Variants in ADAM12 observed in about 807,000 individuals in gnomAD.
ADAM12 encodes disintegrin and metalloproteinase domain-containing protein 12.
Under a neutral mutation model 106.4 loss-of-function variants are expected in ADAM12, and 70 were observed. The observed-to-expected ratio is 0.66, with a 90% CI of 0.54 to 0.80. The LOEUF (loss-of-function observed/expected upper bound fraction) is 0.80. Ranked by LOEUF, ADAM12 falls within the 30% of genes least tolerant of loss-of-function variation. The pLI is 0.00. For missense variants in ADAM12, 1,010 were observed against 1,171.9 expected (o/e 0.86, Z 2.02); for synonymous variants, 420 against 433.5 (o/e 0.97, Z 0.39).
intron 1 of ADAM12, among the ~76,000 whole-genome samples, chr10:126,350,900 C>T (rs1163401884): frequency 5.9e-5 from 9 of 152,194 alleles, no homozygotes; most frequent in South Asian, 4.1e-4. Context: ...TATCCTGTGA[C>T]CTGAACTGCT....
At chr10:126,339,341 C>A (rs1854836282) in intron 1 of ADAM12, among the ~76,000 whole-genome samples, 1 of 152,150 alleles carries the variant, frequency 6.6e-6, no homozygotes, top group African/African-American at 2.4e-5. Context: ...CTTCATCTCC[C>A]AGCGAAAAAC....
chr10:126,222,866 CT>C (rs1196243538), intron 3 of ADAM12, among the ~76,000 whole-genome samples: 1 of 152,152 alleles, frequency 6.6e-6, no homozygotes, highest in African/African-American at 2.4e-5. Flanking sequence ...TCTGACTCTC[CT>C]TAGAGATCTC....
At chr10:126,098,037 C>T (rs148854924) in intron 10 of ADAM12, among the ~76,000 whole-genome samples, 7 of 152,318 alleles carry the variant, frequency 4.6e-5, no homozygotes, top group African/African-American at 1.2e-4. Context: ...GAAAACCATC[C>T]AAACGGGAAC....
chr10:126,094,911 G>A (rs1955528632), intron 10 of ADAM12, among the ~76,000 whole-genome samples: 1 of 152,098 alleles, frequency 6.6e-6, no homozygotes, highest in African/African-American at 2.4e-5. Context: ...CTAACTTAGT[G>A]GAGTGCCTGG....
intron 3 of ADAM12, among the ~76,000 whole-genome samples, chr10:126,264,345 C>T (rs1238130315): frequency 6.6e-6 from 1 of 152,174 alleles, no homozygotes; most frequent in South Asian, 2.1e-4. Context: ...GAAGAAGTGG[C>T]CTTAGAAGGG....
chr10:126,312,830 A>AGGGCATATG (rs1237893981), intron 2 of ADAM12, among the ~76,000 whole-genome samples: 1 of 152,168 alleles, frequency 6.6e-6, no homozygotes, highest in Admixed American at 6.5e-5. Context: ...ACCAGGAACG[A>AGGGCATATG]TGCCCTCTCA....
chr10:126,138,407 C>T (rs895249267), intron 4 of ADAM12, among the ~76,000 whole-genome samples: 2 of 152,138 alleles, frequency 1.3e-5, no homozygotes, highest in Non-Finnish European at 2.9e-5. Context: ...CAGAGCCTCG[C>T]TCTGTCACCT....
intron 8 of ADAM12, among the ~76,000 whole-genome samples, chr10:126,101,991 C>T (rs1473205928): frequency 1.3e-5 from 2 of 152,114 alleles, no homozygotes; most frequent in Non-Finnish European, 2.9e-5. Context: ...CCCTGCCTGC[C>T]CCCACCATCT....
chr10:126,038,900 T>TA (rs1043907523), intron 19 of ADAM12, among the ~76,000 whole-genome samples: 6 of 145,054 alleles, frequency 4.1e-5, no homozygotes, highest in Admixed American at 1.4e-4. Flanking sequence ...TGACCTTTGC[T>TA]AAAAAAATGA....
intron 3 of ADAM12, among the ~76,000 whole-genome samples, chr10:126,193,264 C>CAAAAAA (rs757716875): frequency 3.7e-3 from 99 of 26,590 alleles, no homozygotes; most frequent in Non-Finnish European, 7.3e-3. Flanking sequence ...GACTCCATCT[C>CAAAAAA]AAAAAAAAAA....
At chr10:126,297,586 C>T (rs549035084) in intron 2 of ADAM12, among the ~76,000 whole-genome samples, 2 of 151,994 alleles carry the variant, frequency 1.3e-5, no homozygotes, top group East Asian at 1.9e-4. Context: ...GGGAACCACA[C>T]GATGTGATAT....
intron 3 of ADAM12, among the ~76,000 whole-genome samples, chr10:126,161,465 T>C (rs968738965): frequency 1.3e-5 from 2 of 152,172 alleles, no homozygotes; most frequent in Non-Finnish European, 2.9e-5. Context: ...TACAGGATGG[T>C]CAAGCAATAT....
chr10:126,163,357 T>A (rs1347327969), intron 3 of ADAM12, among the ~76,000 whole-genome samples: 1 of 152,304 alleles, frequency 6.6e-6, no homozygotes, highest in African/African-American at 2.4e-5. Flanking sequence ...ACAAGTAGAC[T>A]CCCATCCTTT....
At chr10:126,313,430 C>T (rs551145533) in intron 2 of ADAM12, among the ~76,000 whole-genome samples, 2 of 152,310 alleles carry the variant, frequency 1.3e-5, no homozygotes, top group African/African-American at 4.8e-5. Flanking sequence ...ATCACAAAGC[C>T]CTTGAATTTA....
intron 21 of ADAM12, among the ~76,000 whole-genome samples, 178 bp downstream of exon 21, chr10:126,035,968 T>G (rs1398991388): frequency 6.6e-6 from 1 of 152,132 alleles, no homozygotes; most frequent in Non-Finnish European, 1.5e-5. Flanking sequence ...ATTATTATAC[T>G]CCAGGCACCA....
At chr10:126,102,500 G>T (rs561703742) in intron 8 of ADAM12, among the ~76,000 whole-genome samples, 30 of 152,202 alleles carry the variant, frequency 2.0e-4, no homozygotes, top group Non-Finnish European at 3.7e-4. Context: ...AGAAGAAACT[G>T]CTCAAAGTTG....
At chr10:126,202,791 T>C (rs1050427980) in intron 3 of ADAM12, among the ~76,000 whole-genome samples, 7 of 152,166 alleles carry the variant, frequency 4.6e-5, no homozygotes, top group African/African-American at 1.2e-4. Context: ...CTTCAAGTTG[T>C]ATAAAGTCCC....
At chr10:126,041,805 G>T (rs1055248739) in intron 18 of ADAM12, 1 of 1,150,688 alleles carries the variant, frequency 8.7e-7, no homozygotes, top group Non-Finnish European at 1.1e-6. Context: ...TCAGTGAAAG[G>T]CCAGACTTTT....
At chr10:126,176,284 A>T (rs1957218756) in intron 3 of ADAM12, among the ~76,000 whole-genome samples, 4 of 152,254 alleles carry the variant, frequency 2.6e-5, no homozygotes, top group African/African-American at 7.2e-5. Flanking sequence ...TGGCTCAAAG[A>T]GCTCACAGCT....
Sources: gnomAD v4.1 joint callset for allele counts (sites outside exome capture counted in the v4.1 genomes callset) on GRCh38, gnomAD v4.1.1 for gene constraint, MANE v1.5 for transcripts, NCBI Gene and HGNC (gene_info 2026-07-23, HGNC 2026-07-21) for gene names.